SEMA3D: variants seen among roughly 807,000 people sequenced by gnomAD.
SEMA3D encodes semaphorin 3D.
A neutral mutation model predicts 100.1 loss-of-function variants in SEMA3D; 84 were observed. That is an observed-to-expected ratio of 0.84 (90% CI 0.70 to 1.01). The LOEUF (loss-of-function observed/expected upper bound fraction) is 1.01. SEMA3D is among the 50% of genes least tolerant of loss of function. The pLI is 0.00. For missense variants in SEMA3D, 875 were observed against 934.1 expected (o/e 0.94, Z 0.82); for synonymous variants, 312 against 320.7 (o/e 0.97, Z 0.29).
At chr7:85,229,443 T>A in the SEMA3D span, among the ~76,000 whole-genome samples, 12 of 152,074 alleles carry the variant, frequency 7.9e-5, no homozygotes, top group Non-Finnish European at 1.8e-4. Context: ...GAGCATTTCA[T>A]GAAATTAGGG....
In SEMA3D at chr7:85,132,530, T is replaced by G. The variant is rs192313496; in HGVS notation, c.-40-10599A>C. On this transcript the variant is annotated intron_variant, in intron 2 of 18. Transcript: ENST00000284136. ...AAGAGCTAGTATGTATCTTAGAACA[T>G]CTTAATATTTCTGGTGGTTCTAACA... Among the ~76,000 whole-genome samples, 62 of 152,022 alleles carry G rather than the reference T, an allele frequency of 4.1e-4. No individual in the cohort carries two copies. The Middle Eastern group carries it at 0.01, about 25-fold the overall frequency.
chr7:85,144,731 A>C, intron 2 of SEMA3D: 1 of 934,166 alleles, frequency 1.1e-6, no homozygotes, highest in Non-Finnish European at 1.3e-6. Flanking sequence ...TGCCTCTAGT[A>C]TGATATGTCT....
At chr7:85,111,478 TTCTC>T (rs766058370) in intron 3 of SEMA3D, among the ~76,000 whole-genome samples, 1 of 152,180 alleles carries the variant, frequency 6.6e-6, no homozygotes, top group East Asian at 1.9e-4. Flanking sequence ...CATCTTTGAC[TTCTC>T]TCTCACTTTG....
chr7:85,238,289 G>A, the SEMA3D span, among the ~76,000 whole-genome samples: 1 of 152,020 alleles, frequency 6.6e-6, no homozygotes, highest in South Asian at 2.1e-4. Context: ...CATACCCAAT[G>A]TCACCTATAT....
intron 2 of SEMA3D, among the ~76,000 whole-genome samples, chr7:85,147,128 G>A (rs1347583767): frequency 1.6e-5 from 1 of 63,944 alleles, no homozygotes; most frequent in African/African-American, 7.8e-5. Context: ...TTGAGACGGA[G>A]TTTTCCTCTT....
the SEMA3D span, among the ~76,000 whole-genome samples, chr7:85,198,224 A>G: frequency 3.3e-5 from 5 of 152,004 alleles, no homozygotes; most frequent in African/African-American, 4.8e-5. Flanking sequence ...TTTCCCGTAC[A>G]GGTTTTGTCT....
intron 9 of SEMA3D, among the ~76,000 whole-genome samples, chr7:85,054,659 TC>T (rs1791258296): frequency 6.6e-6 from 1 of 152,064 alleles, no homozygotes; most frequent in African/African-American, 2.4e-5. Context: ...TGTATTTCTG[TC>T]CCTGAAAGTG....
the SEMA3D span, among the ~76,000 whole-genome samples, chr7:85,249,137 C>T: frequency 4.6e-5 from 7 of 152,080 alleles, no homozygotes; most frequent in African/African-American, 1.7e-4. Flanking sequence ...TAAAATCACT[C>T]TAAACTATAG....
At chr7:85,205,463 T>C in the SEMA3D span, among the ~76,000 whole-genome samples, 419 of 152,298 alleles carry the variant, frequency 2.8e-3, 3 homozygotes, top group Middle Eastern at 6.8e-3. Flanking sequence ...AAGTGTCCTT[T>C]AATTTTTTTC....
At chr7:85,117,645 T>C (rs115096531) in intron 3 of SEMA3D, among the ~76,000 whole-genome samples, 55 of 152,118 alleles carry the variant, frequency 3.6e-4, no homozygotes, top group African/African-American at 1.3e-3. Flanking sequence ...TGATGGCTCA[T>C]GCTTGTAGTC....
the SEMA3D span, among the ~76,000 whole-genome samples, chr7:85,217,320 T>A: frequency 1.3e-5 from 2 of 151,984 alleles, no homozygotes; most frequent in African/African-American, 2.4e-5. Context: ...CACATATTCA[T>A]CGAATATTTA....
chr7:85,141,872 C>A, intron 2 of SEMA3D: 1 of 940,978 alleles, frequency 1.1e-6, no homozygotes. Context: ...AAAGCCTTCA[C>A]TGAAAGACCT....
intron 1 of SEMA3D, among the ~76,000 whole-genome samples, chr7:85,169,890 G>C (rs1360028570): frequency 6.6e-6 from 1 of 151,434 alleles, no homozygotes; most frequent in East Asian, 1.9e-4. Flanking sequence ...GTGAGACAAA[G>C]TGTCCATATA....
At chr7:85,243,316 C>G in the SEMA3D span, among the ~76,000 whole-genome samples, 1 of 152,142 alleles carries the variant, frequency 6.6e-6, no homozygotes, top group Non-Finnish European at 1.5e-5. Flanking sequence ...CCTGTAAGAG[C>G]TCCTGGAGGT....
chr7:85,029,036 A>G (rs1790470742), intron 12 of SEMA3D: 1 of 454,392 alleles, frequency 2.2e-6, no homozygotes, highest in Non-Finnish European at 4.3e-6. Flanking sequence ...CTTGATATTA[A>G]AACTGCTGAT....
chr7:85,065,520 A>T lies in SEMA3D; in HGVS notation c.622T>A (p.Phe208Ile), dbSNP rs748672615. Residue 208 changes from phenylalanine (F) to isoleucine (I), a missense_variant, in exon 8 of 19, where the codon TTC becomes ATC. Physicochemically the swap from Phe to Ile is conservative, Grantham distance 21. Coordinates refer to ENST00000284136, the MANE Select transcript of SEMA3D (RefSeq NM_001384900.1). ...EYLYSGTASD[F>I]LGKDTAFTRS... ...GTGAATGCAGTATCTTTGCCAAGGA[A>T]ATCAGAAGCTGTTCCAGAGTAGAGG... The T allele has an allele frequency of 6.2e-7, 1 of 1,613,234 alleles. No individual in the cohort carries two copies. Among genetic ancestry groups the T allele is most frequent in the South Asian group, 1.1e-5 (1 of 91,064 alleles).
intron 14 of SEMA3D, 67 bp from the exon 15 acceptor site, chr7:85,018,360 G>T (rs1352937970): frequency 2.0e-6 from 2 of 976,196 alleles, no homozygotes; most frequent in Admixed American, 1.8e-5. Flanking sequence ...ACAATATGTT[G>T]TTTTATCTGA....
intron 4 of SEMA3D, among the ~76,000 whole-genome samples, chr7:85,096,883 T>G (rs1302218101): frequency 6.6e-6 from 1 of 151,870 alleles, no homozygotes; most frequent in East Asian, 1.9e-4. Context: ...GGCCTATAAA[T>G]AATTCTCTTT....
chr7:85,027,882 G>C (rs1790433951), intron 12 of SEMA3D: 1 of 569,240 alleles, frequency 1.8e-6, no homozygotes, highest in Non-Finnish European at 3.4e-6. Context: ...CTATTATATG[G>C]GTGTTTTCCA....
Sources: gnomAD v4.1 joint callset for allele counts (sites outside exome capture counted in the v4.1 genomes callset) on GRCh38, gnomAD v4.1.1 for gene constraint, MANE v1.5 for transcripts, NCBI Gene and HGNC (gene_info 2026-07-23, HGNC 2026-07-21) for gene names.